The following TM6SF2 variants were observed in gnomAD, a reference collection of about 807,000 sequenced individuals.
TM6SF2 encodes the protein transmembrane 6 superfamily member 2.
A neutral mutation model predicts 41.0 loss-of-function variants in TM6SF2; 29 were observed. That is an observed-to-expected ratio of 0.71 (90% CI 0.53 to 0.96). The LOEUF (loss-of-function observed/expected upper bound fraction) is 0.96, where lower values mean the gene tolerates loss of function less well. TM6SF2 is among the 50% of genes least tolerant of loss of function. The pLI, the probability that TM6SF2 is intolerant of heterozygous loss-of-function variation, is 0.00. For synonymous variants in TM6SF2, 200 were observed against 209.1 expected, an observed-to-expected ratio of 0.96 and a Z score of 0.37; for missense variants, 475 against 499.0, an observed-to-expected ratio of 0.95 and a Z score of 0.46.
intron 9 of TM6SF2, 93 bp downstream of exon 9, chr19:19,266,397 C>A: frequency 6.5e-7 from 1 of 1,545,968 alleles, no homozygotes; most frequent in South Asian, 1.2e-5. Context: ...GGGGGCTCAT[C>A]ATTACAGTGC....
chr19:19,265,936 T>C (rs913318637), intron 9 of TM6SF2, among the ~76,000 whole-genome samples: 4 of 152,042 alleles, frequency 2.6e-5, no homozygotes, highest in African/African-American at 9.7e-5. Flanking sequence ...GGTCCCTACT[T>C]CCCTGGCCGG....
At position 19,267,981 on chromosome 19, in the gene TM6SF2, C is replaced by G; in HGVS notation, c.711+5G>C. On this transcript the variant is annotated splice_donor_5th_base_variant and intron_variant, in intron 7 of 9. Transcript: ENST00000389363. ...GGAGGGGGAGACCAACCAGCGCAGA[C>G]TCACCAGGCCCCGGAACAGAGTGAA... is the stretch of plus-strand genomic sequence containing the variant. 6.2e-7 allele frequency: 1 copy of G among 1,612,762 alleles called. No individual in the cohort carries two copies. The highest frequency in any genetic ancestry group is 8.5e-7 in the Non-Finnish European group (1 of 1,179,094).
chr19:19,265,670 C>A (rs571593622), intron 9 of TM6SF2, among the ~76,000 whole-genome samples: 2 of 152,056 alleles, frequency 1.3e-5, no homozygotes, highest in Non-Finnish European at 2.9e-5. Context: ...CCTCCCACCT[C>A]GGCCTCCCAA....
chr19:19,269,630 G>A (rs2061015604), intron 5 of TM6SF2, 57 bp downstream of exon 5: 2 of 1,605,386 alleles, frequency 1.2e-6, no homozygotes, highest in South Asian at 2.2e-5. Flanking sequence ...GTGCTTCTAG[G>A]TGCAGGGCAG....
rs747114553 is a variant in TM6SF2, at chr19:19,270,978, C to T, written c.199+44G>A. On this transcript the variant is annotated intron_variant, in intron 2 of 9. Transcript: ENST00000389363. ...GCCCCCAAGTCTGAGGGTGGAGGCC[C>T]TTGCCTGGACAGTCTTCTTCCCCAC... The T allele has an allele frequency of 2.6e-6, 4 of 1,564,134 alleles. No homozygotes were observed. In the African/African-American group the frequency reaches 4.1e-5, roughly 16 times the overall value.
Position 19,264,687 on chromosome 19 carries a change from CTAGGGGG to C in TM6SF2, c.1104_1110del (p.Asp368GlufsTer36). ...TCTCAATGCTGCTTCTTGTGGAGGG[CTAGGGGG>C]TCGGAGGGTGGTGGCTGGTGGAAGA... On this transcript the variant is annotated frameshift_variant, in exon 10 of 10. Coordinates refer to ENST00000389363, the MANE Select transcript of TM6SF2 (RefSeq NM_001001524.3). LOFTEE classifies it high-confidence loss of function. 6.4e-7 allele frequency: 1 copy of C among 1,555,122 alleles called. No individual in the cohort carries two copies. Among genetic ancestry groups the C allele is most frequent in the Admixed American group, 1.8e-5 (1 of 54,396 alleles).
In TM6SF2 at chr19:19,268,771, G is replaced by A; in HGVS notation, c.485-17C>T. 3 of 1,580,632 alleles carry A rather than the reference G, an allele frequency of 1.9e-6. No homozygotes were observed. The highest frequency in any genetic ancestry group is 2.6e-6 in the Non-Finnish European group (3 of 1,168,200). ...TGTATTTGCCTTCCATGGTGCAGGA[G>A]AGAGGGCATCAGCCATGCCAGAACC... is the stretch of plus-strand genomic sequence containing the variant. On this transcript the variant is annotated splice_polypyrimidine_tract_variant and intron_variant, in intron 5 of 9. Transcript: ENST00000389363.
In TM6SF2 at chr19:19,273,249, C is replaced by G. The variant is rs1021894903; in HGVS notation, c.-34G>C. The stretch of plus-strand genomic sequence containing the variant: ...CTGCTGGACCCCGGCTCAGCCCCGA[C>G]GCGTTCTCCAGGGCGCTCGGCTCCT... On this transcript the variant is annotated 5_prime_UTR_variant, in exon 1 of 10. Coordinates refer to ENST00000389363, the MANE Select transcript of TM6SF2 (RefSeq NM_001001524.3). 7.4e-6 allele frequency: 10 copies of G among 1,342,416 alleles called. No individual in the cohort carries two copies. Among genetic ancestry groups the G allele is most frequent in the African/African-American group, 3.1e-5 (2 of 65,234 alleles). The allele number at this position is 1,342,416 out of a possible 1,614,324, so 83.2% of individuals were successfully genotyped here.
Position 19,269,644 on chromosome 19 carries a change from C to T in TM6SF2, c.484+43G>A, listed in dbSNP as rs752074221. The stretch of plus-strand genomic sequence containing the variant: ...GGTGCTTCTAGGTGCAGGGCAGTGA[C>T]CAAGCCCAAGAGAACCTGGATTTCC... On this transcript the variant is annotated intron_variant, in intron 5 of 9. Transcript: ENST00000389363. 3 of 1,612,704 alleles carry T rather than the reference C, an allele frequency of 1.9e-6. No individual in the cohort carries two copies. The South Asian group carries it at 3.3e-5, about 18-fold the overall frequency.
chr19:19,267,464 C>G lies in TM6SF2; in HGVS notation c.804+157G>C, dbSNP rs113379443. On this transcript the variant is annotated intron_variant, in intron 8 of 9. Coordinates refer to ENST00000389363, the MANE Select transcript of TM6SF2 (RefSeq NM_001001524.3). ...CTGCACCTTGAGCACCTGGATCCAG[C>G]CATACCTGAAGACCACATCTGTCCT... 1.1e-4 allele frequency among the ~76,000 whole-genome samples: 17 copies of G among 152,020 alleles called. 1 individual carries two copies. Among genetic ancestry groups the G allele is most frequent in the African/African-American group, 4.1e-4 (17 of 41,476 alleles).
At position 19,264,713 on chromosome 19, in the gene TM6SF2, T is replaced by C. The variant is rs773048268; in HGVS notation, c.1085A>G (p.His362Arg). The change falls in exon 10 of 10, where the codon CAC becomes CGC. Residue 362 changes from histidine to arginine, a missense_variant. By Grantham distance (29) the His-to-Arg change is conservative. Transcript: ENST00000389363. ...YRCLQWPAFF[H>R]QPPPSDPLAL... ...TAGGGGGTCGGAGGGTGGTGGCTGG[T>C]GGAAGAATGCGGGCCACTGAAGGCA... 4 of 1,589,600 alleles carry C rather than the reference T, an allele frequency of 2.5e-6. No homozygotes were observed. The Admixed American group carries it at 5.2e-5, about 21-fold the overall frequency.
intron 9 of TM6SF2, among the ~76,000 whole-genome samples, chr19:19,265,647 G>A (rs1337646451): frequency 4.6e-5 from 7 of 152,100 alleles, no homozygotes; most frequent in Non-Finnish European, 8.8e-5. Flanking sequence ...TCAGACTCCT[G>A]GGCTCAAGCA....
intron 1 of TM6SF2, 35 bp downstream of exon 1, chr19:19,273,086 T>A: frequency 6.7e-6 from 2 of 299,862 alleles, no homozygotes; most frequent in Non-Finnish European, 1.1e-5. Flanking sequence ...GCCCCCACTG[T>A]CCCCAAGGCC....
intron 6 of TM6SF2, 144 bp from the exon 7 acceptor site, chr19:19,268,231 G>A: frequency 1.6e-6 from 1 of 606,696 alleles, no homozygotes; most frequent in Non-Finnish European, 2.8e-6. Context: ...TTTGAGACAG[G>A]GTCTCATTCT....
Position 19,269,750 on chromosome 19 carries a change from C to T in TM6SF2, c.421G>A (p.Gly141Arg). 1 of 1,614,128 alleles carries T rather than the reference C, an allele frequency of 6.2e-7. No individual in the cohort carries two copies. The highest frequency in any genetic ancestry group is 8.5e-7 in the Non-Finnish European group (1 of 1,179,992). Residue 141 changes from glycine to arginine, a missense_variant, in exon 5 of 10, where the codon GGA becomes AGA. Gly to Arg is a moderately radical substitution (Grantham distance 125, BLOSUM62 -2). This residue lies in a region of TM6SF2 where 238 missense variants were observed against 228.6 expected (regional missense o/e 1.04). Coordinates refer to ENST00000389363, the MANE Select transcript of TM6SF2 (RefSeq NM_001001524.3). The stretch of plus-strand genomic sequence containing the variant: ...GCGAAGGAACCCAGCCAGTAGAGTC[C>T]AAAATTCCGGTATCTCTTCCTGAGC... ...ICRRKRYRNF[G>R]LYWLGSFAMS...
In TM6SF2 at chr19:19,268,009, A is replaced by G. The variant is rs1421289833; in HGVS notation, c.688T>C (p.Phe230Leu). Reference protein sequence around the residue: ...ALVIYLILAGFFTLFRGLVVL... With the variant: ...ALVIYLILAGLFTLFRGLVVL... ...ACCAGGCCCCGGAACAGAGTGAAGA[A>G]GCCAGCAAGGATGAGATATATGACA... The change falls in exon 7 of 10, where the codon TTC becomes CTC. Residue 230 changes from phenylalanine (F) to leucine (L), a missense_variant. Transcript: ENST00000389363. 1 of 1,614,046 alleles carries G rather than the reference A, an allele frequency of 6.2e-7. No homozygotes were observed. The highest frequency in any genetic ancestry group is 1.1e-5 in the South Asian group (1 of 91,072).
intron 2 of TM6SF2, 117 bp from the exon 3 acceptor site, chr19:19,270,559 G>T: frequency 7.7e-7 from 1 of 1,292,620 alleles, no homozygotes; most frequent in Non-Finnish European, 1.1e-6. Flanking sequence ...TCCAGGCAAG[G>T]ACTCCAGGCC....
chr19:19,266,851 C>T (rs527809040), intron 8 of TM6SF2: 11 of 427,258 alleles, frequency 2.6e-5, no homozygotes, highest in Admixed American at 1.1e-4. Flanking sequence ...CCTAGCCAGT[C>T]GGAGCATTCC....
intron 8 of TM6SF2, among the ~76,000 whole-genome samples, chr19:19,267,382 AAAAG>A (rs1331726183): frequency 1.0e-5 from 1 of 99,670 alleles, no homozygotes; most frequent in Non-Finnish European, 2.1e-5. Flanking sequence ...AAAAAAAAAA[AAAAG>A]AAAAAGAAAG....
Sources: allele counts gnomAD v4.1 joint callset (sites outside exome capture counted in the v4.1 genomes callset), GRCh38; gene constraint gnomAD v4.1.1; regional missense constraint gnomAD v4.1.1; transcripts MANE v1.5; gene names NCBI Gene and HGNC (gene_info 2026-07-23, HGNC 2026-07-21).